The following DNAH12 variants were observed in gnomAD, a reference collection of about 807,000 sequenced individuals.
The protein encoded by DNAH12 is dynein axonemal heavy chain 12.
A neutral mutation model predicts 371.5 loss-of-function variants in DNAH12; 285 were observed. The ratio of observed to expected loss-of-function variants is 0.77; its 90% CI spans 0.70 to 0.85. DNAH12 has a LOEUF of 0.85. Ranked by LOEUF, DNAH12 falls within the 40% of genes least tolerant of loss-of-function variation. The pLI is 0.00. For missense variants in DNAH12, 3,611 were observed against 3,689.4 expected (o/e 0.98, Z 0.55); for synonymous variants, 1,200 against 1,213.0 (o/e 0.99, Z 0.22).
At chr3:57,313,302 C>T (rs559129155) in intron 66 of DNAH12, among the ~76,000 whole-genome samples, 3 of 152,062 alleles carry the variant, frequency 2.0e-5, no homozygotes, top group Admixed American at 2.0e-4. Flanking sequence ...TTGACACCAG[C>T]CTGGACAACG....
intron 43 of DNAH12, among the ~76,000 whole-genome samples, chr3:57,394,932 T>G (rs1417136926): frequency 1.3e-5 from 2 of 152,192 alleles, no homozygotes; most frequent in African/African-American, 4.8e-5. Flanking sequence ...GAAGCTGACT[T>G]GTATAGGCTT....
At chr3:57,354,265 A>G (rs1258875322) in intron 59 of DNAH12, among the ~76,000 whole-genome samples, 1 of 152,166 alleles carries the variant, frequency 6.6e-6, no homozygotes, top group Non-Finnish European at 1.5e-5. Flanking sequence ...ACAGAAAACC[A>G]AATACCACAT....
intron 15 of DNAH12, 121 bp from the exon 16 acceptor site, chr3:57,470,757 A>C (rs1267559120): frequency 1.1e-6 from 1 of 887,390 alleles, no homozygotes; most frequent in East Asian, 2.9e-5. Context: ...TTTAGGCTGG[A>C]GTGCAGTGGC....
rs369949663 is a variant in DNAH12 at position 57,471,522 on chromosome 3, G to A, written c.1861C>T (p.Arg621Cys). Residue 621 changes from arginine to cysteine, a missense_variant, in exon 15 of 74, where the codon CGC (arginine) becomes TGC (cysteine). Arg to Cys is a radical substitution (Grantham distance 180). This residue lies in a region of DNAH12 where 1,314 missense variants were observed against 1,398.7 expected (regional missense o/e 0.94). Coordinates refer to ENST00000495027, the MANE Select transcript of DNAH12 (RefSeq NM_001366028.2). The stretch of plus-strand genomic sequence containing the variant: ...AATTCTGTAAACTCCTCCATGCGGC[G>A]TGATTCTTTTTCTATTTCCAAAATA... ...KLILEIEKES[R>C]RMEEFTEFAE... 60 of 1,548,980 alleles carry A rather than the reference G, an allele frequency of 3.9e-5. No homozygotes were observed. The highest frequency in any genetic ancestry group is 2.4e-4 in the South Asian group (20 of 83,518).
chr3:57,458,608 G>A (rs1338624489), intron 20 of DNAH12, among the ~76,000 whole-genome samples: 2 of 152,134 alleles, frequency 1.3e-5, no homozygotes, highest in Non-Finnish European at 2.9e-5. Flanking sequence ...ACCAAATCCA[G>A]TCTGTTGTCA....
Position 57,454,261 on chromosome 3 carries a change from T to A in DNAH12, c.3456+514A>T, listed in dbSNP as rs377550151. ...TTTGGGAGGCTAAGGTGGGCGGATC[T>A]CCTGAGGTCAGGTGTTCAAGACCAG... On this transcript the variant is annotated intron_variant, in intron 23 of 73. Transcript: ENST00000495027. Among the ~76,000 whole-genome samples, 47 of 151,972 alleles carry A rather than the reference T, an allele frequency of 3.1e-4. No individual in the cohort carries two copies. In the South Asian group the frequency reaches 8.9e-3, roughly 29 times the overall value.
chr3:57,458,281 T>G, intron 20 of DNAH12, 61 bp from the exon 21 acceptor site: 1 of 1,484,272 alleles, frequency 6.7e-7, no homozygotes, highest in Non-Finnish European at 8.9e-7. Flanking sequence ...ATGACTTAAA[T>G]ATCAATCTAT....
intron 20 of DNAH12, among the ~76,000 whole-genome samples, chr3:57,458,475 T>C (rs1283892653): frequency 6.6e-6 from 1 of 152,198 alleles, no homozygotes; most frequent in Non-Finnish European, 1.5e-5. Flanking sequence ...ATTTCTCCTA[T>C]ATTATTTCGA....
upstream of DNAH12, among the ~76,000 whole-genome samples, chr3:57,547,241 T>TATAGAC (rs2069587841): frequency 6.8e-6 from 1 of 147,976 alleles, no homozygotes; most frequent in African/African-American, 2.5e-5. Context: ...TAGATATAGA[T>TATAGAC]GATATGTATT....
chr3:57,433,694 G>C lies in DNAH12; in HGVS notation c.4790C>G (p.Ser1597Cys). The C allele has an allele frequency of 2.6e-6, 4 of 1,551,100 alleles. No homozygotes were observed. The highest frequency in any genetic ancestry group is 3.5e-6 in the Non-Finnish European group (4 of 1,146,898). Residue 1597 changes from serine (S) to cysteine (C), a missense_variant, in exon 31 of 74, where the codon TCT becomes TGT. Coordinates refer to ENST00000495027, the MANE Select transcript of DNAH12 (RefSeq NM_001366028.2). ...TCCAAAAAGTTGGCCCATAGTAATA[G>C]ATTTGGGGTTTACAGTTCTATAAAT... ...KVIYRTVNPK[S>C]ITMGQLFGQF...
At chr3:57,321,576 C>T (rs1362086615) in intron 65 of DNAH12, among the ~76,000 whole-genome samples, 1 of 152,134 alleles carries the variant, frequency 6.6e-6, no homozygotes, top group South Asian at 2.1e-4. Flanking sequence ...CAGATATGCT[C>T]AGCCCAGCTT....
At chr3:57,491,505 A>G (rs893782691) in intron 11 of DNAH12, among the ~76,000 whole-genome samples, 13 of 152,226 alleles carry the variant, frequency 8.5e-5, no homozygotes, top group South Asian at 6.2e-4. Context: ...CATTTTAAAC[A>G]TACAAAAATA....
rs183217789 is a variant in DNAH12, at chr3:57,444,668, G to A, written c.4545+29C>T. On this transcript the variant is annotated intron_variant, in intron 29 of 73. Transcript: ENST00000495027. Reference sequence around the variant, plus strand: ...AGTCATCGGATGAATTTATTATGCCGAATAAGTCATTCTCATGGGTTTACT... The same window carrying A: ...AGTCATCGGATGAATTTATTATGCCAAATAAGTCATTCTCATGGGTTTACT... 282 of 1,545,032 alleles carry A rather than the reference G, an allele frequency of 1.8e-4. No homozygotes were observed. In the African/African-American group the frequency reaches 2.2e-3, roughly 12 times the overall value.
rs114075870 is a variant in DNAH12, at chr3:57,296,381, C to G, written c.11587G>C (p.Gly3863Arg). 3 of 1,550,040 alleles carry G rather than the reference C, an allele frequency of 1.9e-6. No homozygotes were observed. The East Asian group carries it at 7.3e-5, about 38-fold the overall frequency. Reference sequence around the variant, plus strand: ...CAGCGTGCGCCATCGAGATACAGTCCGTGGATATAAACACCATCTTCTGGT... The same window carrying G: ...CAGCGTGCGCCATCGAGATACAGTCGGTGGATATAAACACCATCTTCTGGT... ...TSPEDGVYIHGLYLDGARWDR... is the reference protein window; with the variant it reads ...TSPEDGVYIHRLYLDGARWDR... The change falls in exon 72 of 74, where the codon GGA becomes CGA. Residue 3863 changes from glycine (G) to arginine (R), a missense_variant. By Grantham distance (125) the Gly-to-Arg change is moderately radical. Around this residue, in one of 3 missense-constraint regions of DNAH12, gnomAD observed 2,266 missense variants for 2,236.9 expected, o/e 1.01. Transcript: ENST00000495027.
Position 57,523,792 on chromosome 3 carries a change from C to T in DNAH12, c.252+11G>A, listed in dbSNP as rs1470743301. 6.3e-7 allele frequency: 1 copy of T among 1,586,240 alleles called. No individual in the cohort carries two copies. The highest frequency in any genetic ancestry group is 1.2e-5 in the South Asian group (1 of 84,346). On this transcript the variant is annotated intron_variant, in intron 3 of 73. Coordinates refer to ENST00000495027, the MANE Select transcript of DNAH12 (RefSeq NM_001366028.2). ...AAGGATAAACTTTTTAACGAGAAAA[C>T]ATAAACTTACAGTTTGAGGATAATC...
chr3:57,500,026 C>T (rs2067480032), intron 11 of DNAH12, among the ~76,000 whole-genome samples: 1 of 146,636 alleles, frequency 6.8e-6, no homozygotes, highest in Admixed American at 7.0e-5. Context: ...TGCCTTTTCC[C>T]CACTACTATC....
At chr3:57,491,698 G>A (rs1404625073) in intron 11 of DNAH12, among the ~76,000 whole-genome samples, 1 of 152,030 alleles carries the variant, frequency 6.6e-6, no homozygotes, top group Non-Finnish European at 1.5e-5. Context: ...CACTTTGGGA[G>A]ACTGAGACAG....
chr3:57,345,382 A>G (rs1553657708), intron 60 of DNAH12, among the ~76,000 whole-genome samples: 2 of 152,216 alleles, frequency 1.3e-5, no homozygotes, highest in Non-Finnish European at 2.9e-5. Context: ...ATCAAATCCC[A>G]TAATGTATAC....
At chr3:57,304,191 C>G (rs2107662370) in intron 69 of DNAH12, among the ~76,000 whole-genome samples, 1 of 152,214 alleles carries the variant, frequency 6.6e-6, no homozygotes, top group East Asian at 1.9e-4. Flanking sequence ...AGCCTGCGTG[C>G]ACCCAGGTGA....
Sources: allele counts gnomAD v4.1 joint callset (sites outside exome capture counted in the v4.1 genomes callset), GRCh38; gene constraint gnomAD v4.1.1; regional missense constraint gnomAD v4.1.1; transcripts MANE v1.5; gene names NCBI Gene and HGNC (gene_info 2026-07-23, HGNC 2026-07-21).